Variants in WEE2 observed in about 807,000 individuals in gnomAD.
WEE2 encodes wee1-like protein kinase 2.
In WEE2, 50 loss-of-function variants were observed where a neutral mutation model predicts 60.1. That is an observed-to-expected ratio of 0.83 (90% CI 0.66 to 1.05). The LOEUF is 1.05. Among genes scored for constraint, WEE2 ranks in the 50% least tolerant of loss-of-function variants. WEE2 has a pLI of 0.00. For missense variants in WEE2, 631 were observed against 684.3 expected, an observed-to-expected ratio of 0.92 and a Z score of 0.87; for synonymous variants, 240 against 241.0, an observed-to-expected ratio of 1.00 and a Z score of 0.04.
At chr7:141,725,318 T>TA in intron 9 of WEE2, 122 bp downstream of exon 9, 1 of 1,167,862 alleles carries the variant, frequency 8.6e-7, no homozygotes, top group Non-Finnish European at 1.2e-6. Flanking sequence ...GGAACGTGAC[T>TA]AGAAGTCCAG....
intron 9 of WEE2, 110 bp downstream of exon 9, chr7:141,725,306 A>G: frequency 7.9e-7 from 1 of 1,263,772 alleles, no homozygotes; most frequent in Non-Finnish European, 1.1e-6. Flanking sequence ...CTAACAGAAA[A>G]AGGAACGTGA....
rs750933617 is a variant in WEE2 at position 141,729,632 on chromosome 7, G to C, written c.1637G>C (p.Arg546Pro). The change falls in exon 11 of 12, where the codon CGC (arginine) becomes CCC (proline). Residue 546 changes from arginine (R) to proline (P), a missense_variant. Transcript: ENST00000397541. ...GTHTGSRSTKRLVGGKSARSS... is the reference protein window; with the variant it reads ...GTHTGSRSTKPLVGGKSARSS... ...CACACAGGATCAAGAAGCACAAAAC[G>C]CCTGGTGGGAGGAAAGAGTGCAAGG... The C allele has an allele frequency of 6.2e-7, 1 of 1,614,000 alleles. No individual in the cohort carries two copies. Among genetic ancestry groups the C allele is most frequent in the South Asian group, 1.1e-5 (1 of 91,032 alleles).
chr7:141,724,563 CT>C (rs1302185966), intron 8 of WEE2, among the ~76,000 whole-genome samples: 1 of 152,130 alleles, frequency 6.6e-6, no homozygotes, highest in Non-Finnish European at 1.5e-5. Flanking sequence ...AGAAGGAAGC[CT>C]TTTCCTCAAG....
At chr7:141,727,665 A>G (rs536700328) in intron 10 of WEE2, 131 of 521,442 alleles carry the variant, frequency 2.5e-4, no homozygotes, top group African/African-American at 2.2e-3. Context: ...AATTCCAGTT[A>G]ACGCAAACAA....
chr7:141,724,942 A>T (rs754500204), intron 8 of WEE2, 84 bp from the exon 9 acceptor site: 5 of 1,487,378 alleles, frequency 3.4e-6, no homozygotes, highest in Non-Finnish European at 4.6e-6. Flanking sequence ...ATGCACTCGA[A>T]TGAACCTTTC....
rs558725071 is a variant in WEE2 at position 141,723,286 on chromosome 7, T to G, written c.1027+6T>G. On this transcript the variant is annotated splice_donor_region_variant and intron_variant, in intron 6 of 11. Transcript: ENST00000397541. The stretch of plus-strand genomic sequence containing the variant: ...ACACCTGGACATCAAACCTAGTCAG[T>G]GTGATTCCCTTCTGCCACTTCTACC... The G allele has an allele frequency of 2.5e-6, 4 of 1,612,430 alleles. No homozygotes were observed. In the South Asian group the frequency reaches 3.3e-5, roughly 13 times the overall value.
Position 141,727,306 on chromosome 7 carries a change from C to T in WEE2, c.1395C>T (p.Asn465=). Residue 465 remains asparagine, a splice_region_variant and synonymous_variant, in exon 10 of 12, where the codon AAC becomes AAT. Coordinates refer to ENST00000397541, the MANE Select transcript of WEE2 (RefSeq NM_001105558.1). ...LSESFSSLLK[N]MIQPDAEQRP... Reference sequence around the variant, plus strand: ...TCCTCTTGGTCCTATATCATCAGAACATGATCCAACCTGATGCCGAACAGA... The same window carrying T: ...TCCTCTTGGTCCTATATCATCAGAATATGATCCAACCTGATGCCGAACAGA... 1 of 1,613,732 alleles carries T rather than the reference C, an allele frequency of 6.2e-7. No homozygotes were observed. The highest frequency in any genetic ancestry group is 8.5e-7 in the Non-Finnish European group (1 of 1,179,844).
At chr7:141,727,219 A>G in intron 9 of WEE2, 85 bp from the exon 10 acceptor site, 1 of 1,430,764 alleles carries the variant, frequency 7.0e-7, no homozygotes, top group Non-Finnish European at 9.5e-7. Context: ...CCACCAGGAG[A>G]AGCTGGGTTG....
Position 141,727,351 on chromosome 7 carries a change from G to C in WEE2, c.1440G>C (p.Leu480=), listed in dbSNP as rs1563017496. 1 of 1,614,108 alleles carries C rather than the reference G, an allele frequency of 6.2e-7. No individual in the cohort carries two copies. Among genetic ancestry groups the C allele is most frequent in the Non-Finnish European group, 8.5e-7 (1 of 1,180,026 alleles). Residue 480 remains leucine (L), a synonymous_variant, in exon 10 of 12, where the codon CTG becomes CTC. Coordinates refer to ENST00000397541, the MANE Select transcript of WEE2 (RefSeq NM_001105558.1). ...DAEQRPSAAA[L]ARNTVLRPSL... is the part of the protein sequence containing the mutation. ...AACAGAGACCTTCTGCAGCAGCTCT[G>C]GCCAGAAATACAGTTCTCCGGCCTT... is the stretch of plus-strand genomic sequence containing the variant.
At chr7:141,716,896 C>T (rs889942531) in intron 3 of WEE2, among the ~76,000 whole-genome samples, 8 of 152,220 alleles carry the variant, frequency 5.3e-5, no homozygotes, top group African/African-American at 1.4e-4. Context: ...AATCTTTGAT[C>T]CATCCCTCAT....
chr7:141,718,893 A>G (rs953036460), intron 3 of WEE2, among the ~76,000 whole-genome samples, 179 bp from the exon 4 acceptor site: 1 of 152,196 alleles, frequency 6.6e-6, no homozygotes, highest in Non-Finnish European at 1.5e-5. Flanking sequence ...AACAAAGAAG[A>G]TAGTCAGCAA....
At chr7:141,717,281 C>T (rs1290980016) in intron 3 of WEE2, among the ~76,000 whole-genome samples, 10 of 152,070 alleles carry the variant, frequency 6.6e-5, no homozygotes, top group Non-Finnish European at 1.0e-4. Context: ...GTTTTATTTG[C>T]GTAAATAAAT....
chr7:141,724,927 C>CTGT (rs1431956889), intron 8 of WEE2, 99 bp from the exon 9 acceptor site: 3 of 1,371,292 alleles, frequency 2.2e-6, no homozygotes, highest in Non-Finnish European at 3.0e-6. Flanking sequence ...CTGTTTAAAC[C>CTGT]TTATATGCAC....
At position 141,708,957 on chromosome 7, in the gene WEE2, G is replaced by A. The variant is rs189225676; in HGVS notation, c.199G>A (p.Asp67Asn). Reference protein sequence around the residue: ...WTPLSNVHELDTSSEKDKESP... With the variant: ...WTPLSNVHELNTSSEKDKESP... ...TCCCCTTAGCAACGTGCATGAGCTC[G>A]ACACATCTTCGGAAAAAGACAAAGA... The change falls in exon 1 of 12, where the codon GAC becomes AAC. Residue 67 changes from aspartate (D) to asparagine (N), a missense_variant. Asp to Asn is a conservative substitution (Grantham distance 23). Transcript: ENST00000397541. The A allele has an allele frequency of 2.3e-4, 367 of 1,614,094 alleles. 2 individuals carry two copies. Among genetic ancestry groups the A allele is most frequent in the Admixed American group, 9.3e-4 (56 of 60,002 alleles).
chr7:141,718,098 G>A (rs1413734899), intron 3 of WEE2, among the ~76,000 whole-genome samples: 1 of 152,138 alleles, frequency 6.6e-6, no homozygotes, highest in Admixed American at 6.6e-5. Context: ...TAAGGGTAAT[G>A]AAAATTAAGA....
intron 3 of WEE2, among the ~76,000 whole-genome samples, chr7:141,718,328 C>A (rs1390638597): frequency 6.6e-6 from 1 of 152,046 alleles, no homozygotes; most frequent in Non-Finnish European, 1.5e-5. Context: ...GTACTTGACA[C>A]TATCCTAAGA....
chr7:141,721,276 C>A (rs1345544103), intron 5 of WEE2, among the ~76,000 whole-genome samples: 2 of 152,154 alleles, frequency 1.3e-5, no homozygotes, highest in East Asian at 3.9e-4. Flanking sequence ...TCAGGATAAT[C>A]ATTCAGTTCA....
At chr7:141,716,353 C>G in intron 3 of WEE2, 86 bp downstream of exon 3, 1 of 1,225,276 alleles carries the variant, frequency 8.2e-7, no homozygotes, top group South Asian at 1.3e-5. Flanking sequence ...CTCCCTCTCT[C>G]TCCTCCCTCC....
intron 3 of WEE2, among the ~76,000 whole-genome samples, chr7:141,717,695 T>C (rs1023620475): frequency 1.3e-5 from 2 of 152,234 alleles, no homozygotes; most frequent in Non-Finnish European, 2.9e-5. Context: ...GGTTAGTAAA[T>C]ACTTCTATGA....
Sources: gnomAD v4.1 joint callset for allele counts (sites outside exome capture counted in the v4.1 genomes callset) on GRCh38, gnomAD v4.1.1 for gene constraint, MANE v1.5 for transcripts, NCBI Gene and HGNC (gene_info 2026-07-23, HGNC 2026-07-21) for gene names.